Variants in TCF20 observed in about 807,000 individuals in gnomAD.
TCF20 encodes the protein transcription factor 20.
Under a neutral mutation model 148.6 loss-of-function variants are expected in TCF20, and 3 were observed. The observed-to-expected ratio is 0.02, with a 90% CI of 0.01 to 0.05. TCF20 has a LOEUF of 0.05. Among genes scored for constraint, TCF20 ranks in the 10% least tolerant of loss-of-function variants. The probability of loss-of-function intolerance (pLI) is 1.00; values close to 1 mark genes in which losing one functional copy is unlikely to be tolerated. For missense variants in TCF20, 2,350 were observed against 2,429.3 expected (o/e 0.97, Z 0.69); for synonymous variants, 1,049 against 909.5 (o/e 1.15, Z -2.76).
At position 42,161,328 on chromosome 22, in the gene TCF20, G is replaced by A; in HGVS notation, c.*75C>T. On this transcript the variant is annotated 3_prime_UTR_variant, in exon 6 of 6. Transcript: ENST00000677622. ...GGACGATTTCCATTCCATCACGAGT[G>A]TCCACCACCTTCTCATCTCCACAGT... 6.2e-7 allele frequency: 1 copy of A among 1,614,080 alleles called. No homozygotes were observed. Among genetic ancestry groups the A allele is most frequent in the Admixed American group, 1.7e-5 (1 of 60,022 alleles).
chr22:42,190,623 C>T (rs922812919), intron 2 of TCF20, among the ~76,000 whole-genome samples: 5 of 152,192 alleles, frequency 3.3e-5, no homozygotes, highest in Admixed American at 3.3e-4. Flanking sequence ...CACAGACATC[C>T]AGGAGGAGTT....
At chr22:42,178,956 A>T (rs1936606888) in intron 3 of TCF20, among the ~76,000 whole-genome samples, 1 of 152,070 alleles carries the variant, frequency 6.6e-6, no homozygotes, top group Non-Finnish European at 1.5e-5. Context: ...CAAGAAAAAA[A>T]TGCTCGACAT....
chr22:42,184,625 C>T (rs1263548607), intron 2 of TCF20, among the ~76,000 whole-genome samples: 1 of 152,058 alleles, frequency 6.6e-6, no homozygotes, highest in African/African-American at 2.4e-5. Flanking sequence ...ACATTCACTC[C>T]AAGCAGAGGT....
At chr22:42,334,614 C>T (rs181612523) in intron 1 of TCF20, among the ~76,000 whole-genome samples, 12 of 152,376 alleles carry the variant, frequency 7.9e-5, no homozygotes, top group East Asian at 3.9e-4. Context: ...CGGCACATGC[C>T]GAGAACAACA....
rs1928098645 is a variant in TCF20 at position 42,338,158 on chromosome 22, G to T, written c.-37+5321C>A. Among the ~76,000 whole-genome samples the T allele has an allele frequency of 2.0e-5, 3 of 152,204 alleles. No homozygotes were observed. Among genetic ancestry groups the T allele is most frequent in the Admixed American group, 6.5e-5 (1 of 15,280 alleles). On this transcript the variant is annotated intron_variant, in intron 1 of 1. Transcript: ENST00000515426. This position sits in a 1 kb window ranked among gnomAD's most constrained non-coding sequence, Gnocchi z 4.0. ...CCGCCTCGGTCTCCACGCGTCCCCTGAGATCCCCCACCGCCCTGGATGTTC... is the reference window on the plus strand; with the variant it reads ...CCGCCTCGGTCTCCACGCGTCCCCTTAGATCCCCCACCGCCCTGGATGTTC...
chr22:42,241,666 A>G (rs934741965), intron 1 of TCF20, among the ~76,000 whole-genome samples: 25 of 152,230 alleles, frequency 1.6e-4, no homozygotes, highest in African/African-American at 5.8e-4. Context: ...ATCTCTACTA[A>G]AAGTACAAAA....
chr22:42,288,666 C>A (rs1403371318), upstream of TCF20, among the ~76,000 whole-genome samples: 1 of 146,500 alleles, frequency 6.8e-6, no homozygotes, highest in African/African-American at 2.6e-5. Context: ...CGAGATCATG[C>A]CACTGTACTC....
chr22:42,224,095 A>T (rs1166971522), intron 1 of TCF20, among the ~76,000 whole-genome samples: 1 of 152,178 alleles, frequency 6.6e-6, no homozygotes, highest in Non-Finnish European at 1.5e-5. Context: ...AACTCATATT[A>T]GCCATGTAAG....
chr22:42,285,300 T>C (rs1450640876), upstream of TCF20, among the ~76,000 whole-genome samples: 2 of 151,282 alleles, frequency 1.3e-5, no homozygotes, highest in East Asian at 3.9e-4. This position sits in a 1 kb window ranked among gnomAD's most constrained non-coding sequence, Gnocchi z 4.2. Context: ...ATTTCATCCT[T>C]CCCATATCTA....
intron 3 of TCF20, among the ~76,000 whole-genome samples, chr22:42,177,204 C>T (rs965338563): frequency 2.6e-5 from 4 of 152,056 alleles, no homozygotes; most frequent in Non-Finnish European, 5.9e-5. Flanking sequence ...CACCTGAGGT[C>T]GGGAGTTTGA....
chr22:42,181,625 TG>T (rs1476363675), intron 2 of TCF20, among the ~76,000 whole-genome samples: 1 of 151,114 alleles, frequency 6.6e-6, no homozygotes, highest in Non-Finnish European at 1.5e-5. Context: ...TAATATATTT[TG>T]AGACGATGTC....
At chr22:42,324,033 G>A (rs1483864013) in intron 1 of TCF20, among the ~76,000 whole-genome samples, 1 of 146,626 alleles carries the variant, frequency 6.8e-6, no homozygotes, top group Non-Finnish European at 1.5e-5. Flanking sequence ...TGGTGGTGAT[G>A]GAGGTTATGG....
chr22:42,251,869 A>T (rs941392544), intron 1 of TCF20, among the ~76,000 whole-genome samples: 1 of 151,866 alleles, frequency 6.6e-6, no homozygotes, highest in African/African-American at 2.4e-5. Context: ...TTGGATTTCG[A>T]TATTTTGGGA....
At chr22:42,278,331 G>A (rs193097241) in intron 1 of TCF20, 6 of 152,378 alleles carry the variant, frequency 3.9e-5, no homozygotes, top group East Asian at 1.9e-4. Context: ...ACTGAGGCCC[G>A]GGAGAGGGCG....
At chr22:42,218,684 C>T (rs1413349635) in intron 1 of TCF20, among the ~76,000 whole-genome samples, 1 of 152,080 alleles carries the variant, frequency 6.6e-6, no homozygotes, top group Non-Finnish European at 1.5e-5. Context: ...AACAATGTTG[C>T]CACTTGCTCC....
At chr22:42,223,851 T>C (rs1169391998) in intron 1 of TCF20, among the ~76,000 whole-genome samples, 2 of 152,224 alleles carry the variant, frequency 1.3e-5, no homozygotes, top group Non-Finnish European at 2.9e-5. Context: ...TCATACTCTA[T>C]GTCCTGTTTG....
intron 1 of TCF20, among the ~76,000 whole-genome samples, chr22:42,342,834 C>T (rs1601713334): frequency 1.3e-5 from 2 of 152,284 alleles, no homozygotes; most frequent in East Asian, 1.9e-4. Flanking sequence ...CTAATCCCCT[C>T]GGGCACCGTG....
intron 1 of TCF20, among the ~76,000 whole-genome samples, chr22:42,282,665 C>G (rs762246698): frequency 1.3e-5 from 2 of 152,194 alleles, no homozygotes; most frequent in Admixed American, 1.3e-4. Flanking sequence ...AATGATGGAA[C>G]GGTGACCCTG....
intron 1 of TCF20, among the ~76,000 whole-genome samples, chr22:42,321,745 G>C (rs1832411836): frequency 6.6e-6 from 1 of 151,666 alleles, no homozygotes; most frequent in African/African-American, 2.4e-5. Flanking sequence ...TCAAGAGTTT[G>C]AGTCCAGCCT....
Sources: allele counts gnomAD v4.1 joint callset (sites outside exome capture counted in the v4.1 genomes callset), GRCh38; gene constraint gnomAD v4.1.1; non-coding constraint Gnocchi (gnomAD v3.1); transcripts MANE v1.5; gene names NCBI Gene and HGNC (gene_info 2026-07-23, HGNC 2026-07-21).